The following WDR7 variants were observed in gnomAD, a reference collection of about 807,000 sequenced individuals.
WDR7 encodes the protein WD repeat-containing protein 7.
In WDR7, 46 loss-of-function variants were observed where a neutral mutation model predicts 169.4. That is an observed-to-expected ratio of 0.27 (90% CI 0.21 to 0.35). WDR7 has a LOEUF of 0.35. WDR7 is among the 10% of genes least tolerant of loss of function. The pLI is 1.00. For synonymous variants in WDR7, 612 were observed against 666.8 expected, an observed-to-expected ratio of 0.92 and a Z score of 1.27; for missense variants, 1,534 against 1,859.3, an observed-to-expected ratio of 0.83 and a Z score of 3.22.
chr18:56,920,707 T>C (rs552442112), intron 21 of WDR7, among the ~76,000 whole-genome samples: 3 of 152,322 alleles, frequency 2.0e-5, no homozygotes, highest in South Asian at 2.1e-4. Flanking sequence ...TAAGGAAATA[T>C]TTATTTTCTA....
At chr18:56,810,067 A>G (rs1409998402) in intron 19 of WDR7, among the ~76,000 whole-genome samples, 1 of 152,168 alleles carries the variant, frequency 6.6e-6, no homozygotes, top group Non-Finnish European at 1.5e-5. Context: ...TAGAAAGTAG[A>G]AATAGCCAGG....
chr18:56,656,341 G>A lies in WDR7; in HGVS notation c.-20+4765G>A, dbSNP rs148304370. ...GTCACCCAGGCTGGAGTGCAGTGGC[G>A]CAATCTTGGCTCAGTGCAACCTCCG... On this transcript the variant is annotated intron_variant, in intron 1 of 27. Coordinates refer to ENST00000254442, the MANE Select transcript of WDR7 (RefSeq NM_015285.3). Among the ~76,000 whole-genome samples, 101 of 149,678 alleles carry A rather than the reference G, an allele frequency of 6.7e-4. 1 individual carries two copies. In the East Asian group the frequency reaches 9.7e-3, roughly 14 times the overall value.
chr18:56,782,745 T>C (rs949943245), intron 19 of WDR7, among the ~76,000 whole-genome samples: 2 of 152,066 alleles, frequency 1.3e-5, no homozygotes, highest in African/African-American at 4.8e-5. Context: ...TTCAGAAAGG[T>C]TTATAACTTT....
intron 17 of WDR7, among the ~76,000 whole-genome samples, chr18:56,779,109 C>T (rs922735586): frequency 1.3e-5 from 2 of 152,006 alleles, no homozygotes; most frequent in Non-Finnish European, 2.9e-5. Context: ...TGTGTTTTGC[C>T]ATTCTTTAAT....
At chr18:56,705,415 T>C (rs940936996) in intron 12 of WDR7, among the ~76,000 whole-genome samples, 4 of 151,852 alleles carry the variant, frequency 2.6e-5, no homozygotes, top group Non-Finnish European at 4.4e-5. Context: ...AGGGAGTACA[T>C]AGGGCACTTA....
chr18:57,007,549 A>G (rs1420836567), intron 26 of WDR7, among the ~76,000 whole-genome samples: 4 of 152,182 alleles, frequency 2.6e-5, no homozygotes, highest in African/African-American at 9.7e-5. Context: ...TCTCTGAGTC[A>G]GATAATTACT....
chr18:56,660,763 T>C (rs896344800), intron 1 of WDR7, among the ~76,000 whole-genome samples: 1 of 152,068 alleles, frequency 6.6e-6, no homozygotes, highest in African/African-American at 2.4e-5. Flanking sequence ...AAAGAAGTAT[T>C]TATTTCAAAG....
chr18:56,917,647 C>T (rs1395164384), intron 21 of WDR7, among the ~76,000 whole-genome samples: 1 of 152,158 alleles, frequency 6.6e-6, no homozygotes, highest in Non-Finnish European at 1.5e-5. Context: ...GCATTTTTCA[C>T]TGGTCGGTTC....
chr18:56,865,117 C>G (rs2045864362), intron 20 of WDR7, among the ~76,000 whole-genome samples: 1 of 151,952 alleles, frequency 6.6e-6, no homozygotes, highest in Non-Finnish European at 1.5e-5. Context: ...GTTGAAACAT[C>G]TCTAAGTGCT....
chr18:56,843,859 T>C lies in WDR7; in HGVS notation c.3304+27715T>C, dbSNP rs2045524919. Among the ~76,000 whole-genome samples, 4 of 67,010 alleles carry C rather than the reference T, an allele frequency of 6.0e-5. No individual in the cohort carries two copies. In the South Asian group the frequency reaches 1.7e-3, roughly 28 times the overall value. 44.0% of individuals were successfully genotyped at this position (67,010 alleles called of 152,430 possible). On this transcript the variant is annotated intron_variant, in intron 20 of 27. Transcript: ENST00000254442. ...ACTCGATATTTTCTTTTTTCTTTCT[T>C]TTTTTTTTTTTTTTGTTTTTTGAGA...
chr18:56,669,280 GC>G (rs1351416641), intron 1 of WDR7, among the ~76,000 whole-genome samples: 6 of 152,034 alleles, frequency 3.9e-5, no homozygotes, highest in Non-Finnish European at 8.8e-5. Context: ...TCTCTAAGAT[GC>G]CTGTTTCCTT....
chr18:56,706,571 G>C (rs1056191175), intron 12 of WDR7, among the ~76,000 whole-genome samples: 6 of 152,096 alleles, frequency 3.9e-5, no homozygotes, highest in Non-Finnish European at 7.4e-5. Flanking sequence ...CATTATTGTT[G>C]CTATTATTTC....
At chr18:56,979,153 T>C (rs185093108) in intron 26 of WDR7, among the ~76,000 whole-genome samples, 3 of 152,290 alleles carry the variant, frequency 2.0e-5, no homozygotes, top group African/African-American at 7.2e-5. Context: ...ATATATGGGT[T>C]ATTAATATGT....
At chr18:56,794,916 A>G (rs1049215213) in intron 19 of WDR7, among the ~76,000 whole-genome samples, 24 of 152,202 alleles carry the variant, frequency 1.6e-4, no homozygotes, top group African/African-American at 5.3e-4. Context: ...TTGTAGTGTG[A>G]TGAGTTTTGC....
rs1434958685 is a variant in WDR7, at chr18:56,700,258, T to TC, written c.1578+3796_1578+3797insC. ...ACTGTTTATTTTTCATTTTCTTTTT[T>TC]TTTTTTTTTTTTTTTTTGAGATGGA... is the stretch of plus-strand genomic sequence containing the variant. On this transcript the variant is annotated intron_variant, in intron 12 of 27. Coordinates refer to ENST00000254442, the MANE Select transcript of WDR7 (RefSeq NM_015285.3). Among the ~76,000 whole-genome samples the TC allele has an allele frequency of 8.3e-4, 103 of 123,600 alleles. 3 individuals are homozygous for TC. The East Asian group carries it at 0.02, about 24-fold the overall frequency. The allele number at this position is 123,600 out of a possible 152,430, so 81.1% of individuals were successfully genotyped here.
chr18:56,867,947 T>A (rs2045904637), intron 20 of WDR7, among the ~76,000 whole-genome samples: 1 of 152,164 alleles, frequency 6.6e-6, no homozygotes, highest in African/African-American at 2.4e-5. Context: ...CATTTTTATA[T>A]CTCTATATGC....
chr18:57,004,032 C>T (rs1033629719), intron 26 of WDR7, among the ~76,000 whole-genome samples: 10 of 151,662 alleles, frequency 6.6e-5, no homozygotes, highest in Non-Finnish European at 7.4e-5. Flanking sequence ...TGTGTGTGTG[C>T]GCGCACACAC....
At chr18:56,938,492 A>G (rs2046988853) in intron 23 of WDR7, 41 bp from the exon 24 acceptor site, 3 of 1,598,848 alleles carry the variant, frequency 1.9e-6, no homozygotes, top group African/African-American at 2.7e-5. Flanking sequence ...GTAAAACTAT[A>G]TCAGTGTCAA....
intron 26 of WDR7, among the ~76,000 whole-genome samples, chr18:56,971,007 C>T (rs148778600): frequency 0.047 from 7,134 of 152,184 alleles, 562 homozygotes; most frequent in African/African-American, 0.16. Flanking sequence ...CGCAGTGGCT[C>T]GCACCAGTAA....
Sources: gnomAD v4.1 joint callset for allele counts (sites outside exome capture counted in the v4.1 genomes callset) on GRCh38, gnomAD v4.1.1 for gene constraint, MANE v1.5 for transcripts, NCBI Gene and HGNC (gene_info 2026-07-23, HGNC 2026-07-21) for gene names.